Variants in USP53 observed in about 807,000 individuals in gnomAD.
The protein encoded by USP53 is ubiquitin specific peptidase 53.
A neutral mutation model predicts 94.9 loss-of-function variants in USP53; 71 were observed. The ratio of observed to expected loss-of-function variants is 0.75; its 90% CI spans 0.62 to 0.91. The LOEUF (loss-of-function observed/expected upper bound fraction) is 0.91. USP53 is among the 40% of genes least tolerant of loss of function. The pLI is 0.00. For synonymous variants in USP53, 375 were observed against 422.7 expected, an observed-to-expected ratio of 0.89 and a Z score of 1.39; for missense variants, 1,173 against 1,281.0, an observed-to-expected ratio of 0.92 and a Z score of 1.29.
chr4:119,289,940 A>G (rs992833657), intron 17 of USP53, among the ~76,000 whole-genome samples: 1 of 152,158 alleles, frequency 6.6e-6, no homozygotes, highest in South Asian at 2.1e-4. Flanking sequence ...GGCCTACTTT[A>G]TCTGTAGTCT....
At chr4:119,268,557 T>A in intron 14 of USP53, 137 bp downstream of exon 14, 1 of 893,636 alleles carries the variant, frequency 1.1e-6, no homozygotes, top group East Asian at 2.8e-5. Flanking sequence ...GTCTTTTGAT[T>A]TATGCATTTC....
At chr4:119,233,385 T>C (rs1746322695) in intron 3 of USP53, among the ~76,000 whole-genome samples, 2 of 152,166 alleles carry the variant, frequency 1.3e-5, no homozygotes, top group African/African-American at 2.4e-5. Flanking sequence ...ATCCTGTTTT[T>C]ATCTGAGTTT....
intron 3 of USP53, among the ~76,000 whole-genome samples, chr4:119,234,885 C>T (rs13113112): frequency 0.27 from 41,768 of 152,116 alleles, 6,030 homozygotes; most frequent in East Asian, 0.39. Flanking sequence ...GCTGAGGTTC[C>T]GCATCCCACA....
At chr4:119,291,144 C>CCCCA in intron 17 of USP53, 21 bp from the exon 18 acceptor site, 1 of 681,978 alleles carries the variant, frequency 1.5e-6, no homozygotes, top group Non-Finnish European at 2.4e-6. Context: ...CATCTCTTCT[C>CCCCA]CCCACCCCAC....
At chr4:119,220,745 T>G (rs1242164946) in intron 3 of USP53, 1 of 152,192 alleles carries the variant, frequency 6.6e-6, no homozygotes, top group Admixed American at 6.5e-5. Context: ...TTAAAGATGG[T>G]AAGGAAGACA....
chr4:119,215,768 A>G (rs1207409258), intron 2 of USP53, among the ~76,000 whole-genome samples: 1 of 152,198 alleles, frequency 6.6e-6, no homozygotes, highest in Non-Finnish European at 1.5e-5. Context: ...ATGATTTTAC[A>G]TGAGACTTCA....
intron 3 of USP53, chr4:119,218,599 T>C (rs2149259387): frequency 6.6e-6 from 1 of 152,344 alleles, no homozygotes; most frequent in South Asian, 2.1e-4. Flanking sequence ...ATAAATTTTC[T>C]ACTGTAGTCT....
intron 3 of USP53, among the ~76,000 whole-genome samples, chr4:119,231,825 T>C (rs1432001258): frequency 1.3e-5 from 2 of 152,184 alleles, no homozygotes; most frequent in East Asian, 3.8e-4. Context: ...GTGTAAAATG[T>C]TGTGTACCAG....
intron 7 of USP53, among the ~76,000 whole-genome samples, 159 bp from the exon 8 acceptor site, chr4:119,256,087 A>G (rs1447628329): frequency 6.6e-6 from 1 of 152,216 alleles, no homozygotes; most frequent in Non-Finnish European, 1.5e-5. Context: ...ATAATTGAAC[A>G]TTCGATCAAA....
At chr4:119,230,001 G>C (rs969236828) in intron 3 of USP53, among the ~76,000 whole-genome samples, 2 of 151,970 alleles carry the variant, frequency 1.3e-5, no homozygotes, top group African/African-American at 4.8e-5. Context: ...CCCAACATAC[G>C]CATGAAACTT....
rs2149341092 is a variant in USP53 at position 119,245,357 on chromosome 4, A to T, written c.165A>T (p.Ile55=). 3.1e-6 allele frequency: 5 copies of T among 1,613,786 alleles called. No homozygotes were observed. Among genetic ancestry groups the T allele is most frequent in the East Asian group, 2.2e-5 (1 of 44,854 alleles). ...SAVQVLWQLD[I]FRRSLRVLTG... Reference sequence around the variant, plus strand: ...TTTAGGTTTTATGGCAATTGGATATATTCCGACGAAGCTTGCGGGTTTTGA... The same window carrying T: ...TTTAGGTTTTATGGCAATTGGATATTTTCCGACGAAGCTTGCGGGTTTTGA... The change falls in exon 6 of 19, where the codon ATA becomes ATT. Residue 55 remains isoleucine, a synonymous_variant. Transcript: ENST00000692078.
intron 17 of USP53, among the ~76,000 whole-genome samples, chr4:119,279,769 A>G (rs1753246387): frequency 6.6e-6 from 1 of 151,912 alleles, no homozygotes; most frequent in Non-Finnish European, 1.5e-5. Context: ...TGGGCGTAGG[A>G]CCCTCTGAGC....
intron 6 of USP53, 116 bp from the exon 7 acceptor site, chr4:119,248,632 A>T: frequency 1.6e-6 from 2 of 1,264,940 alleles, no homozygotes; most frequent in South Asian, 3.4e-5. Context: ...TTAGAGCAAA[A>T]GACTTCTGTA....
chr4:119,271,799 A>T lies in USP53; in HGVS notation c.1939A>T (p.Lys647Ter). Residue 647 changes from lysine (K) to a stop codon, truncating the protein, a stop_gained, in exon 16 of 19, where the codon AAG (lysine) becomes TAG (stop). Coordinates refer to ENST00000692078, the MANE Select transcript of USP53 (RefSeq NM_001371395.1). LOFTEE classifies it high-confidence loss of function. The part of the protein sequence containing the change: ...GLMTIYEDEM[K>*]QEIGSRSSLE... ...AATGACCATATATGAAGATGAAATGAAGCAGGAAATAGGAAGCAGAAGTTC... is the reference window on the plus strand; with the variant it reads ...AATGACCATATATGAAGATGAAATGTAGCAGGAAATAGGAAGCAGAAGTTC... The T allele has an allele frequency of 6.2e-7, 1 of 1,612,602 alleles. No homozygotes were observed. The highest frequency in any genetic ancestry group is 8.5e-7 in the Non-Finnish European group (1 of 1,179,678).
chr4:119,248,771 C>G lies in USP53; in HGVS notation c.261C>G (p.His87Gln). Residue 87 changes from histidine (H) to glutamine (Q), a missense_variant, in exon 7 of 19, where the codon CAC becomes CAG. By Grantham distance (24) the His-to-Gln change is conservative. Coordinates refer to ENST00000692078, the MANE Select transcript of USP53 (RefSeq NM_001371395.1). Reference protein sequence around the residue: ...ALKTIFAQFQHSREKALPSDN... With the variant: ...ALKTIFAQFQQSREKALPSDN... Reference sequence around the variant, plus strand: ...AGACGATATTTGCACAGTTCCAACACAGTCGAGAAAAAGCACTTCCCTCAG... The same window carrying G: ...AGACGATATTTGCACAGTTCCAACAGAGTCGAGAAAAAGCACTTCCCTCAG... 1 of 1,613,894 alleles carries G rather than the reference C, an allele frequency of 6.2e-7. No homozygotes were observed. The highest frequency in any genetic ancestry group is 8.5e-7 in the Non-Finnish European group (1 of 1,180,004).
intron 6 of USP53, among the ~76,000 whole-genome samples, 191 bp from the exon 7 acceptor site, chr4:119,248,557 A>G (rs1397633518): frequency 6.6e-5 from 10 of 152,042 alleles, no homozygotes; most frequent in Non-Finnish European, 1.3e-4. Flanking sequence ...CTAACATTTG[A>G]TTTAGAGGCT....
intron 5 of USP53, among the ~76,000 whole-genome samples, chr4:119,244,356 A>G (rs1416036668): frequency 1.3e-5 from 2 of 152,170 alleles, no homozygotes; most frequent in East Asian, 1.9e-4. Context: ...TATAGGAAAT[A>G]TTAAAGCCAG....
intron 1 of USP53, among the ~76,000 whole-genome samples, 184 bp from the exon 2 acceptor site, chr4:119,213,886 A>T (rs1743319309): frequency 8.5e-6 from 1 of 117,014 alleles, no homozygotes; most frequent in Non-Finnish European, 1.7e-5. Flanking sequence ...ACAAACAAAC[A>T]AACAAAAAAA....
intron 17 of USP53, among the ~76,000 whole-genome samples, chr4:119,281,232 G>A (rs1011054): frequency 0.26 from 39,133 of 152,062 alleles, 5,580 homozygotes; most frequent in East Asian, 0.38. Context: ...GAATTTGGGC[G>A]AGAGAAGTCA....
Sources: gnomAD v4.1 joint callset for allele counts (sites outside exome capture counted in the v4.1 genomes callset) on GRCh38, gnomAD v4.1.1 for gene constraint, MANE v1.5 for transcripts, NCBI Gene and HGNC (gene_info 2026-07-23, HGNC 2026-07-21) for gene names.